Variants in AGFG1 observed in about 807,000 individuals in gnomAD.
The protein encoded by AGFG1 is ArfGAP with FG repeats 1, also known as arf-GAP domain and FG repeat-containing protein 1.
In AGFG1, 10 loss-of-function variants were observed where a neutral mutation model predicts 60.6. The observed-to-expected ratio is 0.16, with a 90% CI of 0.10 to 0.28. The LOEUF (loss-of-function observed/expected upper bound fraction) is 0.28, where lower values mean the gene tolerates loss of function less well. AGFG1 is among the 10% of genes least tolerant of loss of function. The pLI is 1.00. For synonymous variants in AGFG1, 247 were observed against 242.9 expected (o/e 1.02, Z -0.16); for missense variants, 537 against 676.5 (o/e 0.79, Z 2.29).
intron 1 of AGFG1, among the ~76,000 whole-genome samples, chr2:227,476,738 T>A (rs1377372864): frequency 6.6e-6 from 1 of 152,190 alleles, no homozygotes; most frequent in African/African-American, 2.4e-5. Flanking sequence ...AATCAGATGC[T>A]CTTTTGGAGC....
intron 10 of AGFG1, 117 bp from the exon 11 acceptor site, chr2:227,551,842 C>G (rs183608361): frequency 4.7e-6 from 6 of 1,275,554 alleles, no homozygotes; most frequent in South Asian, 1.5e-5. Context: ...TTAACCCTGC[C>G]TTTAATGTAC....
intron 2 of AGFG1, among the ~76,000 whole-genome samples, chr2:227,498,089 A>G (rs1171338646): frequency 6.6e-6 from 1 of 152,190 alleles, no homozygotes; most frequent in East Asian, 1.9e-4. Context: ...AAACATTTTG[A>G]AAATTGATGT....
intron 3 of AGFG1, among the ~76,000 whole-genome samples, chr2:227,522,863 G>A (rs1005433935): frequency 1.3e-5 from 2 of 152,060 alleles, no homozygotes; most frequent in Non-Finnish European, 2.9e-5. Context: ...TTCTTGACTC[G>A]CCTCCTCACA....
Position 227,560,118 on chromosome 2 carries a change from C to G in AGFG1, c.*5623C>G, listed in dbSNP as rs143154776. On this transcript the variant is annotated 3_prime_UTR_variant, in exon 13 of 13. Coordinates refer to ENST00000310078, the MANE Select transcript of AGFG1 (RefSeq NM_004504.5). Reference sequence around the variant, plus strand: ...TCTTCCTGTTCTTATTTTAAATGTTCAAGTTTGTGACTTGGTTCTTGTTTA... The same window carrying G: ...TCTTCCTGTTCTTATTTTAAATGTTGAAGTTTGTGACTTGGTTCTTGTTTA... The G allele has an allele frequency of 6.6e-6, 1 of 151,998 alleles. No individual in the cohort carries two copies. The highest frequency in any genetic ancestry group is 1.5e-5 in the Non-Finnish European group (1 of 67,970). 9.4% of individuals were successfully genotyped at this position (151,998 alleles called of 1,614,324 possible). A position where few individuals can be genotyped will look rare whatever the true frequency, so the allele number is the denominator to read the frequency against.
Position 227,555,455 on chromosome 2 carries a change from A to C in AGFG1, c.*960A>C, listed in dbSNP as rs1283206241. 2 of 152,244 alleles carry C rather than the reference A, an allele frequency of 1.3e-5. No individual in the cohort carries two copies. The highest frequency in any genetic ancestry group is 2.4e-5 in the African/African-American group (1 of 41,194). The allele number at this position is 152,244 out of a possible 1,614,324, so 9.4% of individuals were successfully genotyped here. ...TGAATTCTCAGACTGCAAAAGGCCT[A>C]TTTTAACTATTGATTTTTTTTAAAA... On this transcript the variant is annotated 3_prime_UTR_variant, in exon 13 of 13. Coordinates refer to ENST00000310078, the MANE Select transcript of AGFG1 (RefSeq NM_004504.5).
chr2:227,500,025 T>A (rs776357688), intron 2 of AGFG1, among the ~76,000 whole-genome samples: 4 of 152,254 alleles, frequency 2.6e-5, no homozygotes, highest in Non-Finnish European at 4.4e-5. Flanking sequence ...AGAAGCCTGT[T>A]TGTCTGTCAG....
At chr2:227,475,678 A>T (rs907965250) in intron 1 of AGFG1, among the ~76,000 whole-genome samples, 3 of 152,216 alleles carry the variant, frequency 2.0e-5, no homozygotes, top group African/African-American at 7.2e-5. Flanking sequence ...GCAAGGTGTT[A>T]TGCTAGGCCA....
intron 2 of AGFG1, among the ~76,000 whole-genome samples, chr2:227,492,064 G>A (rs1467020382): frequency 6.6e-6 from 1 of 152,054 alleles, no homozygotes; most frequent in Admixed American, 6.5e-5. Context: ...GGACGTGTAG[G>A]TGATGTGTAA....
rs538558996 is a variant in AGFG1 at position 227,559,868 on chromosome 2, T to C, written c.*5373T>C. ...GTCAATGTTTCATAGAATGCTTTGG[T>C]TACAATCAGGTTTTTTAAAGACTTT... On this transcript the variant is annotated 3_prime_UTR_variant, in exon 13 of 13. Transcript: ENST00000310078. The C allele has an allele frequency of 5.3e-5, 8 of 152,284 alleles. No individual in the cohort carries two copies. The South Asian group carries it at 1.7e-3, about 32-fold the overall frequency. 9.4% of individuals were successfully genotyped at this position (152,284 alleles called of 1,614,324 possible).
At chr2:227,504,454 G>C (rs1691253184) in intron 2 of AGFG1, among the ~76,000 whole-genome samples, 3 of 152,170 alleles carry the variant, frequency 2.0e-5, no homozygotes, top group Admixed American at 6.5e-5. Context: ...TGGCCTCCCA[G>C]AGTGCTGGGG....
In AGFG1 at chr2:227,560,401, G is replaced by T. The variant is rs922205772; in HGVS notation, c.*5906G>T. On this transcript the variant is annotated 3_prime_UTR_variant, in exon 13 of 13. Transcript: ENST00000310078. Reference sequence around the variant, plus strand: ...GGTATGATCTTGTGCTTCCATTTAAGAAATTCTTCCATTTAAAGAAGAAAA... The same window carrying T: ...GGTATGATCTTGTGCTTCCATTTAATAAATTCTTCCATTTAAAGAAGAAAA... The T allele has an allele frequency of 6.7e-6, 1 of 148,242 alleles. No homozygotes were observed. Among genetic ancestry groups the T allele is most frequent in the Non-Finnish European group, 1.5e-5 (1 of 67,080 alleles). 9.2% of individuals were successfully genotyped at this position (148,242 alleles called of 1,614,324 possible). A position where few individuals can be genotyped will look rare whatever the true frequency, so the allele number is the denominator to read the frequency against.
Position 227,534,851 on chromosome 2 carries a change from A to G in AGFG1, c.1031A>G (p.Asp344Gly). 6.2e-7 allele frequency: 1 copy of G among 1,612,986 alleles called. No homozygotes were observed. Among genetic ancestry groups the G allele is most frequent in the Non-Finnish European group, 8.5e-7 (1 of 1,179,426 alleles). Residue 344 changes from aspartate (D) to glycine (G), a missense_variant, in exon 8 of 13, where the codon GAT (aspartate) becomes GGT (glycine). Asp to Gly is a moderately conservative substitution (Grantham distance 94). This residue lies in a region of AGFG1 where 287 missense variants were observed against 343.6 expected (regional missense o/e 0.84). Transcript: ENST00000310078. ...DNIFSAGQGG[D>G]QGSGFGTTGK... ...TGATTTTGTTCGTTCCCAGGTGGTG[A>G]TCAGGGAAGTGGCTTTGGGACCACA... is the stretch of plus-strand genomic sequence containing the variant.
intron 2 of AGFG1, chr2:227,508,333 A>T: frequency 9.2e-6 from 2 of 216,526 alleles, no homozygotes; most frequent in South Asian, 1.4e-4. Flanking sequence ...GCTGGTATTG[A>T]TGATATCCTT....
At chr2:227,514,795 T>G (rs746287978) in intron 2 of AGFG1, among the ~76,000 whole-genome samples, 17 of 152,152 alleles carry the variant, frequency 1.1e-4, no homozygotes, top group Non-Finnish European at 2.2e-4. Context: ...TAATTCCTTG[T>G]TTTAGGTGTC....
intron 1 of AGFG1, among the ~76,000 whole-genome samples, chr2:227,490,447 G>A (rs1032481615): frequency 1.2e-4 from 19 of 152,084 alleles, no homozygotes; most frequent in African/African-American, 2.7e-4. Context: ...ACGTGGTGGC[G>A]GGTACCTGTA....
chr2:227,505,540 TTC>T (rs1691288015), intron 2 of AGFG1, among the ~76,000 whole-genome samples: 1 of 152,172 alleles, frequency 6.6e-6, no homozygotes, highest in Admixed American at 6.5e-5. Flanking sequence ...ATTGGACAAT[TTC>T]TCTCTTATCC....
At chr2:227,552,672 C>CT (rs199665905) in intron 11 of AGFG1, among the ~76,000 whole-genome samples, 1,392 of 134,186 alleles carry the variant, frequency 0.01, 9 homozygotes, top group Non-Finnish European at 0.013. Flanking sequence ...TTTCTTTTTT[C>CT]TTTTTTTTTT....
chr2:227,530,343 A>T (rs1692122901), intron 5 of AGFG1, among the ~76,000 whole-genome samples: 1 of 152,176 alleles, frequency 6.6e-6, no homozygotes, highest in South Asian at 2.1e-4. Context: ...AGCACTTATA[A>T]TCGATTGTTG....
intron 10 of AGFG1, among the ~76,000 whole-genome samples, chr2:227,538,141 C>T (rs1692370140): frequency 6.6e-6 from 1 of 152,178 alleles, no homozygotes; most frequent in South Asian, 2.1e-4. Flanking sequence ...TGTTTCTTAG[C>T]ATACTGTTTT....
Sources: allele counts gnomAD v4.1 joint callset (sites outside exome capture counted in the v4.1 genomes callset), GRCh38; gene constraint gnomAD v4.1.1; regional missense constraint gnomAD v4.1.1; transcripts MANE v1.5; gene names NCBI Gene and HGNC (gene_info 2026-07-23, HGNC 2026-07-21).